Variants in GALNTL6 observed in about 807,000 individuals in gnomAD.
GALNTL6 encodes polypeptide N-acetylgalactosaminyltransferase-like 6.
GALNTL6 carries 46 observed loss-of-function variants against 73.7 expected under a neutral mutation model. The observed-to-expected ratio is 0.62, with a 90% CI of 0.49 to 0.80. The LOEUF (loss-of-function observed/expected upper bound fraction) is 0.80. Among genes scored for constraint, GALNTL6 ranks in the 30% least tolerant of loss-of-function variants. The pLI, the probability that GALNTL6 is intolerant of heterozygous loss-of-function variation, is 0.00. For synonymous variants in GALNTL6, 259 were observed against 263.7 expected (o/e 0.98, Z 0.17); for missense variants, 604 against 755.0 (o/e 0.80, Z 2.34).
At chr4:172,390,940 T>C (rs1320256109) in intron 5 of GALNTL6, among the ~76,000 whole-genome samples, 1 of 152,022 alleles carries the variant, frequency 6.6e-6, no homozygotes, top group Non-Finnish European at 1.5e-5. Flanking sequence ...GGCACTCTTA[T>C]GAAAAAAAAT....
intron 2 of GALNTL6, among the ~76,000 whole-genome samples, chr4:171,907,745 T>C (rs1737339148): frequency 6.6e-6 from 1 of 151,082 alleles, no homozygotes; most frequent in African/African-American, 2.5e-5. Context: ...CTTCAAACTA[T>C]ACTACAAGGC....
At chr4:172,564,582 C>T (rs1736490590) in intron 5 of GALNTL6, among the ~76,000 whole-genome samples, 1 of 152,204 alleles carries the variant, frequency 6.6e-6, no homozygotes, top group Non-Finnish European at 1.5e-5. Flanking sequence ...GTAATTACCA[C>T]CTTTGCCCTT....
At chr4:171,961,301 C>T (rs1414504840) in intron 2 of GALNTL6, among the ~76,000 whole-genome samples, 1 of 152,086 alleles carries the variant, frequency 6.6e-6, no homozygotes, top group Non-Finnish European at 1.5e-5. Context: ...GGGTTCCTGA[C>T]CTGTGGAAAG....
intron 5 of GALNTL6, among the ~76,000 whole-genome samples, chr4:172,680,382 A>G (rs1264058937): frequency 6.6e-6 from 1 of 152,154 alleles, no homozygotes; most frequent in East Asian, 1.9e-4. Context: ...TAATAATGGA[A>G]AAAAGGAAGG....
intron 2 of GALNTL6, among the ~76,000 whole-genome samples, chr4:172,039,765 G>C (rs191660996): frequency 3.4e-4 from 52 of 152,108 alleles, no homozygotes; most frequent in African/African-American, 1.2e-3. Flanking sequence ...AATAGCATAA[G>C]GTTAACATGC....
At chr4:172,816,061 T>A (rs1460415390) in intron 7 of GALNTL6, among the ~76,000 whole-genome samples, 1 of 152,164 alleles carries the variant, frequency 6.6e-6, no homozygotes, top group East Asian at 1.9e-4. Flanking sequence ...GCTGTAAAGC[T>A]TTAAGGTACA....
intron 5 of GALNTL6, among the ~76,000 whole-genome samples, chr4:172,662,496 T>C (rs1468974328): frequency 1.3e-5 from 2 of 152,186 alleles, no homozygotes; most frequent in African/African-American, 2.4e-5. Flanking sequence ...AGTGTATAGT[T>C]AGTAACAGCT....
At chr4:172,710,049 A>G (rs977120677) in intron 5 of GALNTL6, among the ~76,000 whole-genome samples, 2 of 152,230 alleles carry the variant, frequency 1.3e-5, no homozygotes, top group Non-Finnish European at 2.9e-5. Flanking sequence ...TATGAAAAGC[A>G]TTAAACTTCA....
At chr4:172,151,903 T>G (rs1441755714) in intron 2 of GALNTL6, among the ~76,000 whole-genome samples, 1 of 149,822 alleles carries the variant, frequency 6.7e-6, no homozygotes, top group Non-Finnish European at 1.5e-5. Context: ...TCTGTATATA[T>G]AAAAATATAT....
intron 9 of GALNTL6, among the ~76,000 whole-genome samples, chr4:172,937,793 C>A (rs939828075): frequency 5.3e-5 from 8 of 152,056 alleles, no homozygotes; most frequent in African/African-American, 1.9e-4. Flanking sequence ...AATAATAAAG[C>A]TCATTATGGA....
intron 2 of GALNTL6, among the ~76,000 whole-genome samples, chr4:172,210,968 A>T (rs577858825): frequency 2.6e-5 from 4 of 152,172 alleles, no homozygotes; most frequent in African/African-American, 9.6e-5. Flanking sequence ...TGTAATTTGA[A>T]TGTTGTTCAA....
intron 5 of GALNTL6, among the ~76,000 whole-genome samples, chr4:172,491,942 T>A (rs114554360): frequency 0.035 from 5,262 of 152,206 alleles, 289 homozygotes; most frequent in African/African-American, 0.12. Flanking sequence ...AGGAAGCAGG[T>A]TTTATTTTAT....
At chr4:172,202,723 T>C (rs1479451157) in intron 2 of GALNTL6, among the ~76,000 whole-genome samples, 1 of 152,166 alleles carries the variant, frequency 6.6e-6, no homozygotes, top group Non-Finnish European at 1.5e-5. Flanking sequence ...GGGGATTATT[T>C]GGCCCATTCA....
At chr4:172,754,654 TA>T (rs1737637591) in intron 5 of GALNTL6, among the ~76,000 whole-genome samples, 1 of 152,166 alleles carries the variant, frequency 6.6e-6, no homozygotes, top group Non-Finnish European at 1.5e-5. Flanking sequence ...ATCTCCTATC[TA>T]AACTCTAAAA....
At chr4:172,405,431 ATATATATATATATT>A (rs1267611772) in intron 5 of GALNTL6, among the ~76,000 whole-genome samples, 1 of 4,306 alleles carries the variant, frequency 2.3e-4, no homozygotes, top group Admixed American at 2.9e-3. Flanking sequence ...ATATATATAT[ATATATATATATATT>A]TTTTTTTTTT....
At chr4:172,783,440 CTATT>C (rs1012367789) in intron 5 of GALNTL6, among the ~76,000 whole-genome samples, 6 of 146,448 alleles carry the variant, frequency 4.1e-5, no homozygotes, top group Middle Eastern at 3.6e-3. Context: ...ATTTATAACA[CTATT>C]TATAATATTA....
In GALNTL6 at chr4:172,376,960, G is replaced by A. The variant is rs571816611; in HGVS notation, c.553+28271G>A. Among the ~76,000 whole-genome samples, 25 of 152,226 alleles carry A rather than the reference G, an allele frequency of 1.6e-4. No individual in the cohort carries two copies. In the East Asian group the frequency reaches 4.8e-3, roughly 30 times the overall value. Reference sequence around the variant, plus strand: ...AGGAGTGAAGCTGGAGACCTTCGTGGTGAGTGTTACAGCTCATAAAGGCAG... The same window carrying A: ...AGGAGTGAAGCTGGAGACCTTCGTGATGAGTGTTACAGCTCATAAAGGCAG... On this transcript the variant is annotated intron_variant, in intron 5 of 12. Coordinates refer to ENST00000506823, the MANE Select transcript of GALNTL6 (RefSeq NM_001034845.3).
At chr4:172,588,413 A>T (rs75832290) in intron 5 of GALNTL6, among the ~76,000 whole-genome samples, 1 of 151,882 alleles carries the variant, frequency 6.6e-6, no homozygotes. Context: ...GGCCAACATG[A>T]TGAAACCCTG....
intron 2 of GALNTL6, among the ~76,000 whole-genome samples, chr4:171,911,734 T>C (rs1441497243): frequency 2.6e-5 from 4 of 152,190 alleles, no homozygotes; most frequent in African/African-American, 9.6e-5. Context: ...TTCATTTTGC[T>C]GTGGTATATA....
Sources: gnomAD v4.1 joint callset for allele counts (sites outside exome capture counted in the v4.1 genomes callset) on GRCh38, gnomAD v4.1.1 for gene constraint, MANE v1.5 for transcripts, NCBI Gene and HGNC (gene_info 2026-07-23, HGNC 2026-07-21) for gene names.